FCHSD1: variants seen among roughly 807,000 people sequenced by gnomAD.
The protein encoded by FCHSD1 is F-BAR and double SH3 domains protein 1.
A neutral mutation model predicts 101.3 loss-of-function variants in FCHSD1; 109 were observed. That is an observed-to-expected ratio of 1.08 (90% CI 0.92 to 1.26). FCHSD1 has a LOEUF of 1.26. Among genes scored for constraint, FCHSD1 ranks in the 50% most tolerant of loss-of-function variants. The pLI, the probability that FCHSD1 is intolerant of heterozygous loss-of-function variation, is 0.00. For synonymous variants in FCHSD1, 291 were observed against 356.8 expected (o/e 0.82, Z 2.08); for missense variants, 820 against 895.8 (o/e 0.92, Z 1.08).
chr5:141,649,373 C>T lies in FCHSD1; in HGVS notation c.375+22G>A, dbSNP rs778041824. On this transcript the variant is annotated intron_variant, in intron 5 of 19. Transcript: ENST00000435817. This position sits in a 1 kb window ranked among gnomAD's most constrained non-coding sequence, Gnocchi z 4.1. ...TTTGGTCCCAAGCCAGCTCTTCCTT[C>T]ACCCCAACCTCTGAGCCATACCTTC... The T allele has an allele frequency of 2.5e-6, 4 of 1,613,860 alleles. No homozygotes were observed. The highest frequency in any genetic ancestry group is 2.2e-5 in the East Asian group (1 of 44,878).
chr5:141,646,431 G>T (rs141454875), intron 11 of FCHSD1, 172 bp downstream of exon 11: 2 of 1,113,634 alleles, frequency 1.8e-6, no homozygotes, highest in African/African-American at 1.6e-5. Context: ...AACCTATGTC[G>T]GTCTAGCTCC....
At position 141,640,365 on chromosome 5, in the gene FCHSD1, G is replaced by C; in HGVS notation, c.*1133C>G. 1 of 1,614,108 alleles carries C rather than the reference G, an allele frequency of 6.2e-7. No individual in the cohort carries two copies. Among genetic ancestry groups the C allele is most frequent in the Non-Finnish European group, 8.5e-7 (1 of 1,179,988 alleles). ...CTCTCTACTCTGGGGGGCACTGATA[G>C]GACCTACTCCTGGTCTCTCATTGTT... On this transcript the variant is annotated 3_prime_UTR_variant, in exon 20 of 20. Coordinates refer to ENST00000435817, the MANE Select transcript of FCHSD1 (RefSeq NM_033449.3).
chr5:141,641,554 G>A lies in FCHSD1; in HGVS notation c.2017C>T (p.Pro673Ser). The change falls in exon 20 of 20, where the codon CCA becomes TCA. Residue 673 changes from proline to serine, a missense_variant. Physicochemically the swap from Pro to Ser is moderately conservative, Grantham distance 74. Transcript: ENST00000435817. The part of the protein sequence containing the change: ...MAPRLRPMRP[P>S]PPPPAKAPDP... ...GGGGCTTTAGCCGGCGGGGGAGGTG[G>A]TGGACGCATCTGTAGGGAACACACA... 1 of 1,535,926 alleles carries A rather than the reference G, an allele frequency of 6.5e-7. No individual in the cohort carries two copies. The highest frequency in any genetic ancestry group is 8.8e-7 in the Non-Finnish European group (1 of 1,139,454).
intron 3 of FCHSD1, among the ~76,000 whole-genome samples, 177 bp downstream of exon 3, chr5:141,650,182 A>G (rs919019589): frequency 6.6e-6 from 1 of 152,156 alleles, no homozygotes; most frequent in Admixed American, 6.5e-5. Flanking sequence ...AGGTCAAGAA[A>G]GGTTAAGTAA....
intron 9 of FCHSD1, 70 bp from the exon 10 acceptor site, chr5:141,647,300 TG>T (rs1444599885): frequency 6.4e-7 from 1 of 1,561,580 alleles, no homozygotes; most frequent in African/African-American, 1.4e-5. Context: ...TAGCACTTCT[TG>T]GAAGAAAAAG....
chr5:141,643,299 A>G (rs1322800491), intron 17 of FCHSD1, among the ~76,000 whole-genome samples: 1 of 152,084 alleles, frequency 6.6e-6, no homozygotes, highest in African/African-American at 2.4e-5. Flanking sequence ...GTGTTCTGCT[A>G]GCACTTCACG....
chr5:141,649,847 C>A lies in FCHSD1; in HGVS notation c.233+40G>T, dbSNP rs1383603938. The A allele has an allele frequency of 1.3e-6, 2 of 1,539,116 alleles. No homozygotes were observed. Among genetic ancestry groups the A allele is most frequent in the Admixed American group, 4.3e-5 (2 of 46,190 alleles). ...GTTCCTGGGGCTGAGCTCCCCATCA[C>A]TTTTTGGCCTCTGTGGCCCTCCCCC... On this transcript the variant is annotated intron_variant, in intron 4 of 19. Transcript: ENST00000435817. This position sits in a 1 kb window ranked among gnomAD's most constrained non-coding sequence, Gnocchi z 4.1.
At chr5:141,643,842 C>T (rs1363961743) in intron 17 of FCHSD1, among the ~76,000 whole-genome samples, 5 of 141,368 alleles carry the variant, frequency 3.5e-5, no homozygotes, top group Non-Finnish European at 6.1e-5. Flanking sequence ...GAGCGAAACT[C>T]TGTCTCAAAA....
At position 141,647,110 on chromosome 5, in the gene FCHSD1, G is replaced by A. The variant is rs755198422; in HGVS notation, c.924+25C>T. The A allele has an allele frequency of 2.5e-6, 4 of 1,575,520 alleles. No homozygotes were observed. The South Asian group carries it at 4.6e-5, about 18-fold the overall frequency. Reference sequence around the variant, plus strand: ...CATAATCGCCTTTATATGTGGCCTGGTTCCAACAAGCAGGAAGATCTCACC... The same window carrying A: ...CATAATCGCCTTTATATGTGGCCTGATTCCAACAAGCAGGAAGATCTCACC... On this transcript the variant is annotated intron_variant, in intron 10 of 19. Transcript: ENST00000435817.
chr5:141,640,613 G>C lies in FCHSD1; in HGVS notation c.*885C>G. ...TAGGGAAGGTCCTGGAGCCCCAGGG[G>C]AAAAGCTGGACACAGCTTGAACAGG... On this transcript the variant is annotated 3_prime_UTR_variant, in exon 20 of 20. Coordinates refer to ENST00000435817, the MANE Select transcript of FCHSD1 (RefSeq NM_033449.3). 1 of 1,540,490 alleles carries C rather than the reference G, an allele frequency of 6.5e-7. No homozygotes were observed. Among genetic ancestry groups the C allele is most frequent in the Non-Finnish European group, 8.7e-7 (1 of 1,144,440 alleles).
chr5:141,644,569 T>G lies in FCHSD1; in HGVS notation c.1642+4A>C, dbSNP rs469074. On this transcript the variant is annotated splice_donor_region_variant and intron_variant, in intron 16 of 19. Coordinates refer to ENST00000435817, the MANE Select transcript of FCHSD1 (RefSeq NM_033449.3). The stretch of plus-strand genomic sequence containing the variant: ...TCCTCTAACCCAAAATTTCCCTTTC[T>G]TACCTGTGGGCTCTGCCCCGCAGGG... 0.22 allele frequency: 358,010 copies of G among 1,613,288 alleles called. 41,743 individuals are homozygous for G. Among genetic ancestry groups the G allele is most frequent in the African/African-American group, 0.33 (24,514 of 74,920 alleles).
intron 3 of FCHSD1, 83 bp from the exon 4 acceptor site, chr5:141,650,037 T>C (rs1285189228): frequency 3.1e-5 from 42 of 1,371,998 alleles, no homozygotes; most frequent in Non-Finnish European, 3.8e-5. Context: ...AGTATAATCA[T>C]ACCATTCTTT....
At chr5:141,646,227 A>T in intron 11 of FCHSD1, 36 bp from the exon 12 acceptor site, 1 of 1,539,170 alleles carries the variant, frequency 6.5e-7, no homozygotes. Flanking sequence ...GTGGGTGGAA[A>T]TACTGTGGGG....
chr5:141,641,905 C>A, intron 18 of FCHSD1, 148 bp from the exon 19 acceptor site: 1 of 816,574 alleles, frequency 1.2e-6, no homozygotes, highest in Admixed American at 2.3e-5. Context: ...ATCCACTGTC[C>A]TCAACATTTA....
Position 141,640,326 on chromosome 5 carries a change from C to T in FCHSD1, c.*1172G>A. Reference sequence around the variant, plus strand: ...AAAACACAGCCGGGACTGCACTGGGCTGGGCTCTTATTGCTCTCTACTCTG... The same window carrying T: ...AAAACACAGCCGGGACTGCACTGGGTTGGGCTCTTATTGCTCTCTACTCTG... On this transcript the variant is annotated 3_prime_UTR_variant, in exon 20 of 20. Transcript: ENST00000435817. 6.2e-7 allele frequency: 1 copy of T among 1,613,968 alleles called. No homozygotes were observed. The highest frequency in any genetic ancestry group is 8.5e-7 in the Non-Finnish European group (1 of 1,179,890).
In FCHSD1 at chr5:141,645,148, C is replaced by T; in HGVS notation, c.1312G>A (p.Ala438Thr). The T allele has an allele frequency of 6.5e-7, 1 of 1,540,618 alleles. No individual in the cohort carries two copies. The highest frequency in any genetic ancestry group is 8.7e-7 in the Non-Finnish European group (1 of 1,144,206). The change falls in exon 14 of 20, where the codon GCT (alanine) becomes ACT (threonine). Residue 438 changes from alanine (A) to threonine (T), a missense_variant and splice_region_variant. Ala to Thr is a moderately conservative substitution (Grantham distance 58). Transcript: ENST00000435817. Reference protein sequence around the residue: ...RLSQRDLSPTAEDAELSDFEE... With the variant: ...RLSQRDLSPTTEDAELSDFEE... ...AAGTCAGAAAGCTCAGCATCCTCAG[C>T]CTAGAGGGGCAAAGAACAGACCTCA...
At position 141,649,659 on chromosome 5, in the gene FCHSD1, G is replaced by A; in HGVS notation, c.234-123C>T. On this transcript the variant is annotated intron_variant, in intron 4 of 19. Transcript: ENST00000435817. The surrounding 1 kb of genome is among the most constrained non-coding windows in gnomAD (Gnocchi z 4.1). ...GTGCTTTCCCATCCTCCCTTGTCTG[G>A]GAGCCCATCAATCGATCAGCCCATT... The A allele has an allele frequency of 7.3e-7, 1 of 1,370,792 alleles. No homozygotes were observed. The highest frequency in any genetic ancestry group is 9.7e-7 in the Non-Finnish European group (1 of 1,027,782). 84.9% of individuals were successfully genotyped at this position (1,370,792 alleles called of 1,614,324 possible).
chr5:141,642,463 A>C (rs912959977), intron 18 of FCHSD1: 1 of 670,794 alleles, frequency 1.5e-6, no homozygotes, highest in African/African-American at 1.8e-5. Flanking sequence ...ACCAGTATGC[A>C]ATATATCCAT....
Position 141,640,604 on chromosome 5 carries a change from G to A in FCHSD1, c.*894C>T. 2 of 1,542,470 alleles carry A rather than the reference G, an allele frequency of 1.3e-6. No homozygotes were observed. Among genetic ancestry groups the A allele is most frequent in the South Asian group, 2.4e-5 (2 of 83,802 alleles). On this transcript the variant is annotated 3_prime_UTR_variant, in exon 20 of 20. Coordinates refer to ENST00000435817, the MANE Select transcript of FCHSD1 (RefSeq NM_033449.3). ...TGGTGGAGGTAGGGAAGGTCCTGGA[G>A]CCCCAGGGGAAAAGCTGGACACAGC...
Sources: allele counts gnomAD v4.1 joint callset (sites outside exome capture counted in the v4.1 genomes callset), GRCh38; gene constraint gnomAD v4.1.1; non-coding constraint Gnocchi (gnomAD v3.1); transcripts MANE v1.5; gene names NCBI Gene and HGNC (gene_info 2026-07-23, HGNC 2026-07-21).